DDX4: variants seen among roughly 807,000 people sequenced by gnomAD.
The protein encoded by DDX4 is probable ATP-dependent RNA helicase DDX4.
In DDX4, 25 loss-of-function variants were observed where a neutral mutation model predicts 100.0. That is an observed-to-expected ratio of 0.25 (90% CI 0.18 to 0.35). The LOEUF (loss-of-function observed/expected upper bound fraction) is 0.35, where lower values mean the gene tolerates loss of function less well. DDX4 is among the 10% of genes least tolerant of loss of function. The pLI is 1.00. For synonymous variants in DDX4, 259 were observed against 275.7 expected, an observed-to-expected ratio of 0.94 and a Z score of 0.60; for missense variants, 635 against 882.4, an observed-to-expected ratio of 0.72 and a Z score of 3.55.
chr5:55,782,782 T>C (rs890361220), intron 10 of DDX4, among the ~76,000 whole-genome samples: 1 of 151,444 alleles, frequency 6.6e-6, no homozygotes, highest in African/African-American at 2.4e-5. Context: ...TTTTTACTCT[T>C]AAAGTTTTTT....
chr5:55,781,993 T>C lies in DDX4; in HGVS notation c.625+12T>C, dbSNP rs187862380. The C allele has an allele frequency of 5.7e-4, 924 of 1,613,842 alleles. 11 individuals are homozygous for C. Among genetic ancestry groups the C allele is most frequent in the Non-Finnish European group, 2.0e-4 (240 of 1,179,896 alleles). Reference sequence around the variant, plus strand: ...TGGAAGTGAACGAGGTAAGTTCTTATTTTGTTTACCCGAAAGAAGTTAAAA... The same window carrying C: ...TGGAAGTGAACGAGGTAAGTTCTTACTTTGTTTACCCGAAAGAAGTTAAAA... On this transcript the variant is annotated intron_variant, in intron 10 of 21. Transcript: ENST00000505374.
intron 19 of DDX4, 145 bp downstream of exon 19, chr5:55,813,917 G>A (rs1428362819): frequency 9.8e-7 from 1 of 1,020,380 alleles, no homozygotes; most frequent in Non-Finnish European, 1.3e-6. Context: ...TCCTTTATAT[G>A]AGGAAAAGGA....
intron 3 of DDX4, among the ~76,000 whole-genome samples, chr5:55,749,145 G>A (rs1412284198): frequency 6.6e-6 from 1 of 152,212 alleles, no homozygotes; most frequent in Non-Finnish European, 1.5e-5. Flanking sequence ...TAGGAGGCAG[G>A]TGTAGTGGCT....
intron 10 of DDX4, among the ~76,000 whole-genome samples, chr5:55,784,256 G>C (rs1742107916): frequency 6.6e-6 from 1 of 152,130 alleles, no homozygotes; most frequent in Non-Finnish European, 1.5e-5. Context: ...CAGAGAACCT[G>C]GAGTTCTGAT....
intron 10 of DDX4, chr5:55,782,216 C>T (rs1741956139): frequency 4.5e-6 from 2 of 446,188 alleles, no homozygotes; most frequent in Admixed American, 7.0e-5. Flanking sequence ...GAATTATATA[C>T]TATAGATGTA....
chr5:55,785,414 CAT>C, intron 11 of DDX4, 31 bp from the exon 12 acceptor site: 1 of 1,593,404 alleles, frequency 6.3e-7, no homozygotes, highest in Non-Finnish European at 8.6e-7. Context: ...TTTTAAAAAA[CAT>C]GTATCTCTTT....
chr5:55,780,277 A>G (rs1328675640), intron 8 of DDX4, among the ~76,000 whole-genome samples: 1 of 152,208 alleles, frequency 6.6e-6, no homozygotes, highest in Admixed American at 6.5e-5. Flanking sequence ...GAATTTAAAA[A>G]ATAAGTTTGA....
chr5:55,739,285 A>G (rs767681679), intron 2 of DDX4, among the ~76,000 whole-genome samples: 2 of 152,240 alleles, frequency 1.3e-5, no homozygotes, highest in Non-Finnish European at 2.9e-5. Context: ...ATGATTTAGG[A>G]CTTCCTCAGG....
At chr5:55,780,112 G>C (rs747304137) in intron 8 of DDX4, 47 bp downstream of exon 8, 1 of 1,597,552 alleles carries the variant, frequency 6.3e-7, no homozygotes, top group Non-Finnish European at 8.5e-7. Flanking sequence ...CTGTTAAAAA[G>C]AAAATGATTT....
intron 20 of DDX4, 67 bp from the exon 21 acceptor site, chr5:55,815,246 A>G (rs1013688930): frequency 1.3e-6 from 2 of 1,596,320 alleles, no homozygotes; most frequent in African/African-American, 2.7e-5. Flanking sequence ...ATGCATGTGT[A>G]TATAACAAGT....
At position 55,815,358 on chromosome 5, in the gene DDX4, A is replaced by G; in HGVS notation, c.2032A>G (p.Thr678Ala). The change falls in exon 21 of 22, where the codon ACA (threonine) becomes GCA (alanine). Residue 678 changes from threonine (T) to alanine (A), a missense_variant. Around this residue, in one of 4 missense-constraint regions of DDX4, gnomAD observed 73 missense variants for 98.5 expected, o/e 0.74. Transcript: ENST00000505374. Reference sequence around the variant, plus strand: ...ATGGTTGGAAGAAATTGCCTTTAGTACATACATTCCTGGCTTCAGTGGTAG... The same window carrying G: ...ATGGTTGGAAGAAATTGCCTTTAGTGCATACATTCCTGGCTTCAGTGGTAG... The part of the protein sequence containing the change: ...PAWLEEIAFS[T>A]YIPGFSGSTR... 6.2e-7 allele frequency: 1 copy of G among 1,613,860 alleles called. No individual in the cohort carries two copies. Among genetic ancestry groups the G allele is most frequent in the Non-Finnish European group, 8.5e-7 (1 of 1,179,968 alleles).
chr5:55,801,285 G>C (rs547939703), intron 18 of DDX4, among the ~76,000 whole-genome samples: 1 of 151,230 alleles, frequency 6.6e-6, no homozygotes. Flanking sequence ...TAGTGTTACG[G>C]TATTTTATGT....
intron 6 of DDX4, among the ~76,000 whole-genome samples, chr5:55,765,835 C>T (rs181620096): frequency 2.8e-4 from 42 of 152,280 alleles, no homozygotes; most frequent in South Asian, 2.1e-3. Flanking sequence ...GACGGAGTCT[C>T]GCACTGTCAC....
rs1161906917 is a variant in DDX4, at chr5:55,781,962, T to C, written c.606T>C (p.Ser202=). Residue 202 remains serine (S), a synonymous_variant, in exon 10 of 22, where the codon AGT becomes AGC. Coordinates refer to ENST00000505374, the MANE Select transcript of DDX4 (RefSeq NM_024415.3). ...ATGGTGATACTTCTCAAAGCAGAAG[T>C]GGCAGTGGAAGTGAACGAGGTAAGT... ...TGNGDTSQSR[S]GSGSERGGYK... is the part of the protein sequence containing the mutation. The C allele has an allele frequency of 1.9e-6, 3 of 1,613,966 alleles. No homozygotes were observed. The highest frequency in any genetic ancestry group is 1.3e-5 in the African/African-American group (1 of 74,924).
chr5:55,760,185 T>C lies in DDX4; in HGVS notation c.128-15T>C, dbSNP rs1300921993. 11 of 1,485,882 alleles carry C rather than the reference T, an allele frequency of 7.4e-6. No homozygotes were observed. Among genetic ancestry groups the C allele is most frequent in the Non-Finnish European group, 1.0e-5 (11 of 1,090,080 alleles). 92.0% of individuals were successfully genotyped at this position (1,485,882 alleles called of 1,614,324 possible). A position where few individuals can be genotyped will look rare whatever the true frequency, so the allele number is the denominator to read the frequency against. ...TGTTTTTATTTGACTTACTTCAAAATGTTGTTTGCTTTAGAAATGGATGAT... is the reference window on the plus strand; with the variant it reads ...TGTTTTTATTTGACTTACTTCAAAACGTTGTTTGCTTTAGAAATGGATGAT... On this transcript the variant is annotated splice_polypyrimidine_tract_variant and intron_variant, in intron 3 of 21. Coordinates refer to ENST00000505374, the MANE Select transcript of DDX4 (RefSeq NM_024415.3).
At chr5:55,804,641 T>G (rs542176319) in intron 18 of DDX4, among the ~76,000 whole-genome samples, 293 of 151,918 alleles carry the variant, frequency 1.9e-3, no homozygotes, top group African/African-American at 5.0e-3. Context: ...GTAGATATGC[T>G]GCGTTATTTC....
chr5:55,790,712 C>G lies in DDX4; in HGVS notation c.1302+7C>G. 6.2e-7 allele frequency: 1 copy of G among 1,610,404 alleles called. No homozygotes were observed. Among genetic ancestry groups the G allele is most frequent in the Non-Finnish European group, 8.5e-7 (1 of 1,177,542 alleles). ...TATCATAGGCAAAGAAAAGGTACGC[C>G]TTATAGGAATAATGAAGTTGTGAGA... On this transcript the variant is annotated splice_region_variant and intron_variant, in intron 16 of 21. Transcript: ENST00000505374.
intron 2 of DDX4, among the ~76,000 whole-genome samples, chr5:55,742,732 G>A (rs1759046079): frequency 2.0e-5 from 3 of 152,170 alleles, no homozygotes; most frequent in Admixed American, 2.0e-4. Context: ...ACATATTTTT[G>A]AGTTCTAGTA....
intron 3 of DDX4, among the ~76,000 whole-genome samples, chr5:55,755,906 C>T (rs1271876489): frequency 1.3e-5 from 2 of 152,020 alleles, no homozygotes; most frequent in African/African-American, 4.8e-5. Flanking sequence ...TTCCAGGCAC[C>T]GTCCCTCTGT....
Sources: gnomAD v4.1 joint callset for allele counts (sites outside exome capture counted in the v4.1 genomes callset) on GRCh38, gnomAD v4.1.1 for gene constraint, gnomAD v4.1.1 regional missense constraint, MANE v1.5 for transcripts, NCBI Gene and HGNC (gene_info 2026-07-23, HGNC 2026-07-21) for gene names.